The following RDM1 variants were observed in gnomAD, a reference collection of about 807,000 sequenced individuals.
RDM1 encodes the protein RAD52 motif containing 1.
RDM1 carries 28 observed loss-of-function variants against 27.7 expected under a neutral mutation model. The observed-to-expected ratio is 1.01, with a 90% CI of 0.75 to 1.39. The LOEUF (loss-of-function observed/expected upper bound fraction) is 1.39, where lower values mean the gene tolerates loss of function less well. RDM1 is among the 40% of genes most tolerant of loss of function. The probability of loss-of-function intolerance (pLI) is 0.00; values close to 1 mark genes in which losing one functional copy is unlikely to be tolerated. For synonymous variants in RDM1, 124 were observed against 127.5 expected, an observed-to-expected ratio of 0.97 and a Z score of 0.19; for missense variants, 277 against 337.3, an observed-to-expected ratio of 0.82 and a Z score of 1.40.
intron 5 of RDM1, among the ~76,000 whole-genome samples, chr17:35,920,479 A>T (rs1204899860): frequency 7.3e-6 from 1 of 136,280 alleles, no homozygotes; most frequent in East Asian, 2.2e-4. Flanking sequence ...TTTTTAGAAG[A>T]CAGGGTCTCT....
In RDM1 at chr17:35,930,098, A is replaced by G. The variant is rs1269407278; in HGVS notation, c.254T>C (p.Leu85Pro). ...CACCTTGACTGGAGATTTCTGAAAA[A>G]GCTGCTTCCGGTCGCATGCCTTTTG... ...RAQKACDRKQ[L>P]FQKSPVKVRL... The change falls in exon 2 of 7, where the codon CTT becomes CCT. Residue 85 changes from leucine to proline, a missense_variant. Physicochemically the swap from Leu to Pro is moderately conservative, Grantham distance 98. Coordinates refer to ENST00000620284, the MANE Select transcript of RDM1 (RefSeq NM_145654.4). The G allele has an allele frequency of 6.2e-7, 1 of 1,613,580 alleles. No individual in the cohort carries two copies. The highest frequency in any genetic ancestry group is 2.2e-5 in the East Asian group (1 of 44,890).
At position 35,918,394 on chromosome 17, in the gene RDM1, A is replaced by G. The variant is rs779086280; in HGVS notation, c.803T>C (p.Leu268Pro). ...KQYGQEEEGY[L>P]SDFSLEEEEF... ...TTCCTCCTCCAAGCTGAAATCCGAG[A>G]GATACCCTTCCTCCTCTTGGCCATA... Residue 268 changes from leucine (L) to proline (P), a missense_variant, in exon 7 of 7, where the codon CTC becomes CCC. By Grantham distance (98) the Leu-to-Pro change is moderately conservative. Transcript: ENST00000620284. 1.9e-6 allele frequency: 3 copies of G among 1,614,114 alleles called. No homozygotes were observed. The highest frequency in any genetic ancestry group is 2.5e-6 in the Non-Finnish European group (3 of 1,180,010).
chr17:35,920,664 A>G lies in RDM1; in HGVS notation c.668-392T>C, dbSNP rs116245846. Reference sequence around the variant, plus strand: ...GAGACGTGGTCTTGCTTTGTTGCCCAGGCTGGTCTTGAACCCCTGGCTTTA... The same window carrying G: ...GAGACGTGGTCTTGCTTTGTTGCCCGGGCTGGTCTTGAACCCCTGGCTTTA... On this transcript the variant is annotated intron_variant, in intron 5 of 6. Coordinates refer to ENST00000620284, the MANE Select transcript of RDM1 (RefSeq NM_145654.4). Among the ~76,000 whole-genome samples, 1,280 of 151,794 alleles carry G rather than the reference A, an allele frequency of 8.4e-3. 17 individuals carry two copies. Among genetic ancestry groups the G allele is most frequent in the African/African-American group, 0.03 (1,222 of 41,356 alleles).
chr17:35,922,467 ATACTATAGAGTGCT>A, intron 5 of RDM1, 96 bp downstream of exon 5: 1 of 1,349,722 alleles, frequency 7.4e-7, no homozygotes, highest in Non-Finnish European at 1.0e-6. Flanking sequence ...AAATGAAAGC[ATACTATAGAGTGCT>A]TTAGATATCA....
chr17:35,920,634 T>C (rs1037604812), intron 5 of RDM1, among the ~76,000 whole-genome samples: 7 of 151,976 alleles, frequency 4.6e-5, no homozygotes, highest in Admixed American at 3.3e-4. Flanking sequence ...TAATTTTTTT[T>C]TTTAGAGACG....
chr17:35,930,568 G>T, intron 1 of RDM1, 64 bp downstream of exon 1: 1 of 1,487,908 alleles, frequency 6.7e-7, no homozygotes. Context: ...GCAGGACTCC[G>T]GAACTCCCAG....
intron 2 of RDM1, among the ~76,000 whole-genome samples, chr17:35,927,097 C>T (rs1287297149): frequency 1.5e-5 from 2 of 131,660 alleles, no homozygotes; most frequent in Admixed American, 1.7e-4. Context: ...TTGCAGCAAC[C>T]ATTTTCCTTC....
intron 2 of RDM1, among the ~76,000 whole-genome samples, chr17:35,927,302 T>C (rs1378761272): frequency 2.6e-5 from 4 of 151,738 alleles, no homozygotes; most frequent in Non-Finnish European, 5.9e-5. Flanking sequence ...TAGCTGGGCG[T>C]GGTGGTGCAC....
At chr17:35,919,138 T>C (rs957277074) in intron 6 of RDM1, among the ~76,000 whole-genome samples, 1 of 152,200 alleles carries the variant, frequency 6.6e-6, no homozygotes, top group Non-Finnish European at 1.5e-5. Flanking sequence ...AGGGAAAAAC[T>C]TCAAAACAAA....
chr17:35,921,056 G>A (rs1022249925), intron 5 of RDM1, among the ~76,000 whole-genome samples: 1 of 152,144 alleles, frequency 6.6e-6, no homozygotes, highest in Middle Eastern at 3.2e-3. Flanking sequence ...AATGAACAAA[G>A]CTTCTGAGAG....
At chr17:35,925,756 A>G (rs1336636999) in intron 2 of RDM1, 119 bp from the exon 3 acceptor site, 3 of 1,147,370 alleles carry the variant, frequency 2.6e-6, no homozygotes, top group East Asian at 4.7e-5. Flanking sequence ...CTTCCCATTC[A>G]GTAGTTCCTG....
intron 5 of RDM1, among the ~76,000 whole-genome samples, chr17:35,921,779 T>G: frequency 6.6e-6 from 1 of 152,180 alleles, no homozygotes. Context: ...ACATTTGTCA[T>G]CTCATTTACT....
At chr17:35,919,683 T>A (rs1053262403) in intron 6 of RDM1, among the ~76,000 whole-genome samples, 2 of 152,202 alleles carry the variant, frequency 1.3e-5, no homozygotes, top group Admixed American at 1.3e-4. Flanking sequence ...GACCGAAACA[T>A]CATTTTGTAG....
intron 2 of RDM1, among the ~76,000 whole-genome samples, chr17:35,927,115 C>CAAA (rs955692533): frequency 1.6e-4 from 12 of 75,452 alleles, no homozygotes; most frequent in South Asian, 9.0e-4. Context: ...TTCATTTCAC[C>CAAA]AAAAAAAAAA....
At position 35,930,581 on chromosome 17, in the gene RDM1, A is replaced by G. The variant is rs188813804; in HGVS notation, c.96+51T>C. On this transcript the variant is annotated intron_variant, in intron 1 of 6. Transcript: ENST00000620284. ...AGGCAGGACTCCGGAACTCCCAGTC[A>G]GCGGGTGGGCAGCTTTCTCCATCCC... 1.7e-4 allele frequency: 266 copies of G among 1,546,852 alleles called. 1 individual carries two copies. The African/African-American group carries it at 3.2e-3, about 19-fold the overall frequency.
At chr17:35,928,151 G>A (rs1479481741) in intron 2 of RDM1, among the ~76,000 whole-genome samples, 1 of 152,200 alleles carries the variant, frequency 6.6e-6, no homozygotes, top group East Asian at 1.9e-4. Context: ...TTAGTAGGAA[G>A]CAGTCAGATC....
At position 35,930,329 on chromosome 17, in the gene RDM1, C is replaced by G. The variant is rs767169918; in HGVS notation, c.97-74G>C. On this transcript the variant is annotated intron_variant, in intron 1 of 6. Coordinates refer to ENST00000620284, the MANE Select transcript of RDM1 (RefSeq NM_145654.4). Reference sequence around the variant, plus strand: ...AAAACCGCACATGCCCTCATATTCCCCAAACCTCTCTTCGCGAAGGATGCG... The same window carrying G: ...AAAACCGCACATGCCCTCATATTCCGCAAACCTCTCTTCGCGAAGGATGCG... 8 of 1,577,536 alleles carry G rather than the reference C, an allele frequency of 5.1e-6. No homozygotes were observed. The East Asian group carries it at 1.8e-4, about 35-fold the overall frequency.
At chr17:35,918,577 G>A in intron 6 of RDM1, 134 bp from the exon 7 acceptor site, 1 of 721,166 alleles carries the variant, frequency 1.4e-6, no homozygotes. Context: ...TATTAGGTAG[G>A]GGCTGCCAGG....
At position 35,930,248 on chromosome 17, in the gene RDM1, A is replaced by G; in HGVS notation, c.104T>C (p.Leu35Pro). ...GCCAAACTGAGAAAATGCTGTGAAC[A>G]GAGAATGCTGTGGGGGTGGGACAAG... ...GPTAEALHHSLFTAFSQFGLL... is the reference protein window; with the variant it reads ...GPTAEALHHSPFTAFSQFGLL... The change falls in exon 2 of 7, where the codon CTG (leucine) becomes CCG (proline). Residue 35 changes from leucine (L) to proline (P), a missense_variant. Leu to Pro is a moderately conservative substitution (Grantham distance 98). Transcript: ENST00000620284. 1 of 1,614,116 alleles carries G rather than the reference A, an allele frequency of 6.2e-7. No individual in the cohort carries two copies. Among genetic ancestry groups the G allele is most frequent in the Non-Finnish European group, 8.5e-7 (1 of 1,180,008 alleles).
Sources: gnomAD v4.1 joint callset for allele counts (sites outside exome capture counted in the v4.1 genomes callset) on GRCh38, gnomAD v4.1.1 for gene constraint, MANE v1.5 for transcripts, NCBI Gene and HGNC (gene_info 2026-07-23, HGNC 2026-07-21) for gene names.